Variants in ATXN8OS observed in about 807,000 individuals in gnomAD.
ATXN8OS encodes ATXN8 opposite strand lncRNA.
intron 3 of ATXN8OS, chr13:70,139,400 T>TGCCGCTGCC: frequency 1.6e-6 from 1 of 630,252 alleles, no homozygotes. Context: ...CTGCTGCTGC[T>TGCCGCTGCC]GCTGCTGCTG....
chr13:70,168,414 G>T (rs551338717), intron 4 of ATXN8OS, among the ~76,000 whole-genome samples: 42 of 151,994 alleles, frequency 2.8e-4, no homozygotes, highest in African/African-American at 9.2e-4. Flanking sequence ...ACAATATGTT[G>T]TTGCTGACTA....
intron 1 of ATXN8OS, among the ~76,000 whole-genome samples, chr13:70,110,841 G>C (rs1888190391): frequency 6.6e-6 from 1 of 152,148 alleles, no homozygotes; most frequent in South Asian, 2.1e-4. Flanking sequence ...TGTTTAACCA[G>C]CCATAAGTAA....
At chr13:70,153,341 G>A (rs1248417615) in intron 4 of ATXN8OS, among the ~76,000 whole-genome samples, 1 of 152,110 alleles carries the variant, frequency 6.6e-6, no homozygotes, top group Admixed American at 6.5e-5. Flanking sequence ...TTGGGAGGCT[G>A]AGGCAGGCAG....
intron 4 of ATXN8OS, among the ~76,000 whole-genome samples, chr13:70,158,090 A>C (rs892898717): frequency 6.6e-6 from 1 of 152,144 alleles, no homozygotes; most frequent in East Asian, 1.9e-4. Context: ...CCGCTAGGAA[A>C]AGCCTTGAGA....
chr13:70,168,239 T>C (rs1889101438), intron 4 of ATXN8OS, among the ~76,000 whole-genome samples: 1 of 152,140 alleles, frequency 6.6e-6, no homozygotes, highest in Non-Finnish European at 1.5e-5. Context: ...AATTGACTCT[T>C]AATGTTTCTA....
upstream of ATXN8OS, chr13:70,107,617 G>A (rs201323322): frequency 5.7e-6 from 9 of 1,584,424 alleles, no homozygotes; most frequent in South Asian, 8.2e-5. Flanking sequence ...GCCGCCGGTG[G>A]AAGGAGACGG....
At chr13:70,159,610 T>C (rs527956350) in intron 4 of ATXN8OS, among the ~76,000 whole-genome samples, 5 of 152,294 alleles carry the variant, frequency 3.3e-5, no homozygotes, top group African/African-American at 9.6e-5. Context: ...AGCATATGTA[T>C]ACATTTGTAT....
chr13:70,150,973 C>T (rs1226326257), intron 4 of ATXN8OS, among the ~76,000 whole-genome samples: 1 of 152,030 alleles, frequency 6.6e-6, no homozygotes. Context: ...TAAAAAACAG[C>T]TTTATCAAGG....
chr13:70,119,915 C>CAA (rs5804477), intron 2 of ATXN8OS, among the ~76,000 whole-genome samples: 4,157 of 150,930 alleles, frequency 0.028, 202 homozygotes, highest in African/African-American at 0.092. Flanking sequence ...AAATATTTCA[C>CAA]AAAAAAAAAT....
chr13:70,111,819 A>G (rs1169720042), intron 1 of ATXN8OS, among the ~76,000 whole-genome samples: 5 of 152,160 alleles, frequency 3.3e-5, no homozygotes, highest in Non-Finnish European at 7.3e-5. Flanking sequence ...ATACTCAACA[A>G]AAACATTTGA....
intron 4 of ATXN8OS, among the ~76,000 whole-genome samples, chr13:70,162,751 C>CT (rs1889026099): frequency 6.6e-6 from 1 of 152,168 alleles, no homozygotes; most frequent in Non-Finnish European, 1.5e-5. Flanking sequence ...TTTAAAAAAT[C>CT]TTTTTCTACC....
chr13:70,146,554 C>T (rs1219384607), intron 3 of ATXN8OS, among the ~76,000 whole-genome samples: 3 of 152,196 alleles, frequency 2.0e-5, no homozygotes, highest in Middle Eastern at 3.4e-3. Context: ...GAAAATGTGG[C>T]ACATATACAC....
intron 2 of ATXN8OS, among the ~76,000 whole-genome samples, chr13:70,124,801 T>C (rs989056008): frequency 6.2e-4 from 94 of 152,132 alleles, no homozygotes; most frequent in African/African-American, 2.2e-3. Context: ...TGTACACTAA[T>C]AGTCTAGCTT....
chr13:70,163,070 A>G (rs1015224535), intron 4 of ATXN8OS, among the ~76,000 whole-genome samples: 6 of 152,050 alleles, frequency 3.9e-5, no homozygotes, highest in East Asian at 3.9e-4. Context: ...TTCTTCTTAC[A>G]ACTTTGGTTA....
At chr13:70,143,890 G>A (rs969831148) in intron 3 of ATXN8OS, among the ~76,000 whole-genome samples, 13 of 152,034 alleles carry the variant, frequency 8.6e-5, no homozygotes, top group African/African-American at 2.7e-4. Context: ...ATTTTAAAAT[G>A]ATTTAATGAT....
At chr13:70,114,757 C>A (rs1016430855) in intron 1 of ATXN8OS, among the ~76,000 whole-genome samples, 1 of 152,086 alleles carries the variant, frequency 6.6e-6, no homozygotes, top group Non-Finnish European at 1.5e-5. Flanking sequence ...TATCTTGATA[C>A]AAATCTTATT....
intron 4 of ATXN8OS, among the ~76,000 whole-genome samples, chr13:70,154,420 G>A (rs895555160): frequency 6.6e-6 from 1 of 152,090 alleles, no homozygotes; most frequent in African/African-American, 2.4e-5. Context: ...ACCTAATTCT[G>A]CATCTGCTAT....
chr13:70,110,114 A>G (rs9542178), intron 1 of ATXN8OS, among the ~76,000 whole-genome samples: 33,874 of 152,046 alleles, frequency 0.22, 4,223 homozygotes, highest in South Asian at 0.4. Flanking sequence ...AATATTTTAT[A>G]TGACCCAAAG....
intron 2 of ATXN8OS, among the ~76,000 whole-genome samples, chr13:70,122,161 T>G (rs563050427): frequency 6.6e-6 from 1 of 151,998 alleles, no homozygotes; most frequent in Non-Finnish European, 1.5e-5. Flanking sequence ...ATTTTAAACC[T>G]ATATTGCCAA....
Sources: gnomAD v4.1 joint callset for allele counts (sites outside exome capture counted in the v4.1 genomes callset) on GRCh38, gnomAD v4.1.1 for gene constraint, MANE v1.5 for transcripts, NCBI Gene and HGNC (gene_info 2026-07-23, HGNC 2026-07-21) for gene names.